The following ADAMTS2 variants were observed in gnomAD, a reference collection of about 807,000 sequenced individuals.
The protein encoded by ADAMTS2 is ADAM metallopeptidase with thrombospondin type 1 motif 2.
A neutral mutation model predicts 123.0 loss-of-function variants in ADAMTS2; 50 were observed. The ratio of observed to expected loss-of-function variants is 0.41; its 90% confidence interval spans 0.32 to 0.51. The LOEUF is 0.51. Ranked by LOEUF, ADAMTS2 falls within the 20% of genes least tolerant of loss-of-function variation. The pLI is 0.35. For synonymous variants in ADAMTS2, 678 were observed against 695.4 expected (o/e 0.98, Z 0.39); for missense variants, 1,494 against 1,705.2 (o/e 0.88, Z 2.18).
intron 3 of ADAMTS2, among the ~76,000 whole-genome samples, chr5:179,264,387 A>G (rs892054122): frequency 7.2e-5 from 11 of 152,200 alleles, no homozygotes; most frequent in Non-Finnish European, 1.6e-4. Flanking sequence ...CATCCAAGGC[A>G]CAGATGTCAC....
chr5:179,233,388 A>G (rs1208332116), intron 3 of ADAMTS2, among the ~76,000 whole-genome samples: 1 of 152,150 alleles, frequency 6.6e-6, no homozygotes, highest in African/African-American at 2.4e-5. Context: ...TCACATTAAA[A>G]AACAAAAACA....
At chr5:179,287,693 C>T (rs1380737377) in intron 2 of ADAMTS2, among the ~76,000 whole-genome samples, 1 of 152,232 alleles carries the variant, frequency 6.6e-6, no homozygotes, top group Non-Finnish European at 1.5e-5. Context: ...GGTCCCCAGT[C>T]TCGAGGACCC....
rs1459921483 is a variant in ADAMTS2 at position 179,175,553 on chromosome 5, A to C, written c.975+5519T>G. Among the ~76,000 whole-genome samples, 1 of 152,186 alleles carries C rather than the reference A, an allele frequency of 6.6e-6. No homozygotes were observed. The highest frequency in any genetic ancestry group is 1.5e-5 in the Non-Finnish European group (1 of 68,032). ...ACATTTTTGGTTACTACCATAATGGAAATTTTCTCTCCCTGTTTTCCCCAC... is the reference window on the plus strand; with the variant it reads ...ACATTTTTGGTTACTACCATAATGGCAATTTTCTCTCCCTGTTTTCCCCAC... On this transcript the variant is annotated intron_variant, in intron 5 of 21. Coordinates refer to ENST00000251582, the MANE Select transcript of ADAMTS2 (RefSeq NM_014244.5). The surrounding 1 kb of genome is among the most constrained non-coding windows in gnomAD (Gnocchi z 4.1).
intron 5 of ADAMTS2, among the ~76,000 whole-genome samples, chr5:179,160,181 G>A (rs369189466): frequency 6.6e-5 from 10 of 152,296 alleles, no homozygotes; most frequent in Non-Finnish European, 1.2e-4. Context: ...AAAGTTGGCC[G>A]TGCGCGGTGG....
chr5:179,196,291 T>C (rs1241825538), intron 4 of ADAMTS2, among the ~76,000 whole-genome samples: 6 of 152,166 alleles, frequency 3.9e-5, no homozygotes, highest in African/African-American at 1.4e-4. Flanking sequence ...CAGAGAATGT[T>C]CTCGTGCTGG....
chr5:179,187,373 C>T (rs749255094), intron 4 of ADAMTS2, among the ~76,000 whole-genome samples: 1 of 152,262 alleles, frequency 6.6e-6, no homozygotes, highest in Non-Finnish European at 1.5e-5. Flanking sequence ...AGCCCGGCTG[C>T]TCCTTGCACA....
At chr5:179,266,217 C>A (rs549839389) in intron 3 of ADAMTS2, among the ~76,000 whole-genome samples, 94 of 152,318 alleles carry the variant, frequency 6.2e-4, no homozygotes, top group Non-Finnish European at 1.2e-3. Context: ...TCAGCTGAAT[C>A]ATGACCCCCG....
chr5:179,198,870 A>G (rs910019123), intron 4 of ADAMTS2, among the ~76,000 whole-genome samples: 1 of 150,234 alleles, frequency 6.7e-6, no homozygotes, highest in African/African-American at 2.4e-5. Flanking sequence ...CACTGCAGAG[A>G]GCCTCTGTGG....
intron 3 of ADAMTS2, 105 bp from the exon 4 acceptor site, chr5:179,207,820 T>G (rs1276447431): frequency 9.3e-6 from 9 of 972,884 alleles, no homozygotes. Flanking sequence ...CATAGCACCC[T>G]GAACCGAGGG....
chr5:179,189,599 T>C lies in ADAMTS2; in HGVS notation c.892-8444A>G, dbSNP rs970522455. Reference sequence around the variant, plus strand: ...GTCTTGATCTCCTGACTTCATGATCTGCCCGCCTCGGCCTCCCAAAGTGCT... The same window carrying C: ...GTCTTGATCTCCTGACTTCATGATCCGCCCGCCTCGGCCTCCCAAAGTGCT... On this transcript the variant is annotated intron_variant, in intron 4 of 21. Coordinates refer to ENST00000251582, the MANE Select transcript of ADAMTS2 (RefSeq NM_014244.5). The surrounding 1 kb of genome is among the most constrained non-coding windows in gnomAD (Gnocchi z 4.2). Among the ~76,000 whole-genome samples, 16 of 144,010 alleles carry C rather than the reference T, an allele frequency of 1.1e-4. No individual in the cohort carries two copies. The highest frequency in any genetic ancestry group is 3.6e-4 in the Admixed American group (5 of 14,018). The allele number at this position is 144,010 out of a possible 152,430, so 94.5% of individuals were successfully genotyped here. A position where few individuals can be genotyped will look rare whatever the true frequency, so the allele number is the denominator to read the frequency against.
intron 5 of ADAMTS2, among the ~76,000 whole-genome samples, chr5:179,163,780 C>T (rs10072194): frequency 0.045 from 6,841 of 152,292 alleles, 553 homozygotes; most frequent in African/African-American, 0.16. Flanking sequence ...GCTTTGTTCT[C>T]GGCCCAGTCC....
At position 179,260,978 on chromosome 5, in the gene ADAMTS2, T is replaced by C. The variant is rs982870910; in HGVS notation, c.688+11933A>G. ...AGGCCCTCGGTGAATGGGCATGTCC[T>C]TGAACGCAAACTTGGCTCCAACGGG... is the stretch of plus-strand genomic sequence containing the variant. On this transcript the variant is annotated intron_variant, in intron 3 of 21. Transcript: ENST00000251582. This position sits in a 1 kb window ranked among gnomAD's most constrained non-coding sequence, Gnocchi z 4.2. Among the ~76,000 whole-genome samples, 3 of 152,120 alleles carry C rather than the reference T, an allele frequency of 2.0e-5. No homozygotes were observed. The highest frequency in any genetic ancestry group is 4.4e-5 in the Non-Finnish European group (3 of 68,042).
chr5:179,137,738 G>A (rs1229665976), intron 12 of ADAMTS2, 31 bp downstream of exon 12: 2 of 1,481,986 alleles, frequency 1.3e-6, no homozygotes, highest in African/African-American at 2.8e-5. Context: ...TGCCTGCTGA[G>A]CCCCCACTGA....
intron 2 of ADAMTS2, among the ~76,000 whole-genome samples, chr5:179,279,479 G>A (rs1038279767): frequency 4.0e-4 from 61 of 152,334 alleles, no homozygotes; most frequent in African/African-American, 1.5e-3. Context: ...GCTGGACAAC[G>A]GGGCAATGGC....
rs74632837 is a variant in ADAMTS2, at chr5:179,225,618, G to A, written c.689-17903C>T. Among the ~76,000 whole-genome samples, 3,224 of 152,266 alleles carry A rather than the reference G, an allele frequency of 0.021. 116 individuals are homozygous for A. Among genetic ancestry groups the A allele is most frequent in the African/African-American group, 0.072 (2,986 of 41,528 alleles). On this transcript the variant is annotated intron_variant, in intron 3 of 21. Transcript: ENST00000251582. The surrounding 1 kb of genome is among the most constrained non-coding windows in gnomAD (Gnocchi z 4.5). ...TGGACGTCGAGAGGAACGCACCAACGAGCACCAGCACGCTGCAGGCCACCG... is the reference window on the plus strand; with the variant it reads ...TGGACGTCGAGAGGAACGCACCAACAAGCACCAGCACGCTGCAGGCCACCG...
rs139319407 is a variant in ADAMTS2, at chr5:179,245,413, T to C, written c.688+27498A>G. On this transcript the variant is annotated intron_variant, in intron 3 of 21. Coordinates refer to ENST00000251582, the MANE Select transcript of ADAMTS2 (RefSeq NM_014244.5). The stretch of plus-strand genomic sequence containing the variant: ...TGCATTATTTAAGCCACTAAATTTG[T>C]GGTAATTTGTTACCGCAGCAATCAA... Among the ~76,000 whole-genome samples the C allele has an allele frequency of 8.7e-3, 1,328 of 152,280 alleles. 19 individuals are homozygous for C. Among genetic ancestry groups the C allele is most frequent in the African/African-American group, 0.029 (1,220 of 41,552 alleles).
chr5:179,126,150 CG>C lies in ADAMTS2; in HGVS notation c.2618-21del, dbSNP rs758996506. 87 of 1,612,758 alleles carry C rather than the reference CG, an allele frequency of 5.4e-5. No homozygotes were observed. The highest frequency in any genetic ancestry group is 1.6e-4 in the Middle Eastern group (1 of 6,084). ...GGGACCCTGAAGGCAGAGAGCTCGACGGGGGTCGGTGGGGCAGCATGCCCTG... is the reference window on the plus strand; with the variant it reads ...GGGACCCTGAAGGCAGAGAGCTCGACGGGGTCGGTGGGGCAGCATGCCCTG... On this transcript the variant is annotated intron_variant, in intron 17 of 21. Coordinates refer to ENST00000251582, the MANE Select transcript of ADAMTS2 (RefSeq NM_014244.5).
At chr5:179,124,952 C>A (rs199770691) in intron 19 of ADAMTS2, 21 bp downstream of exon 19, 3 of 1,600,184 alleles carry the variant, frequency 1.9e-6, no homozygotes, top group Middle Eastern at 1.7e-4. Context: ...GCTGAGGACA[C>A]GGGATCGGGG....
At chr5:179,273,548 A>G (rs941040523) in intron 2 of ADAMTS2, among the ~76,000 whole-genome samples, 1 of 152,144 alleles carries the variant, frequency 6.6e-6, no homozygotes, top group Non-Finnish European at 1.5e-5. Context: ...TGGGCCAAAC[A>G]ATATTTTTAA....
Sources: allele counts gnomAD v4.1 joint callset (sites outside exome capture counted in the v4.1 genomes callset), GRCh38; gene constraint gnomAD v4.1.1; non-coding constraint Gnocchi (gnomAD v3.1); transcripts MANE v1.5; gene names NCBI Gene and HGNC (gene_info 2026-07-23, HGNC 2026-07-21).